Variants in MGAT5 observed in about 807,000 individuals in gnomAD.
MGAT5 encodes alpha-1,6-mannosylglycoprotein 6-beta-N-acetylglucosaminyltransferase.
MGAT5 carries 30 observed loss-of-function variants against 94.3 expected under a neutral mutation model. That is an observed-to-expected ratio of 0.32 (90% CI 0.24 to 0.43). The LOEUF (loss-of-function observed/expected upper bound fraction) is 0.43, where lower values mean the gene tolerates loss of function less well. Among genes scored for constraint, MGAT5 ranks in the 20% least tolerant of loss-of-function variants. MGAT5 has a pLI of 1.00. For missense variants in MGAT5, 691 were observed against 905.5 expected (o/e 0.76, Z 3.04); for synonymous variants, 310 against 322.9 (o/e 0.96, Z 0.43).
intron 1 of MGAT5, among the ~76,000 whole-genome samples, chr2:134,132,387 C>T (rs1490032120): frequency 6.6e-6 from 1 of 152,192 alleles, no homozygotes; most frequent in East Asian, 1.9e-4. Context: ...TCAGAGCTCA[C>T]ATATGGAAGT....
chr2:134,163,126 T>C (rs1687813437), intron 1 of MGAT5, among the ~76,000 whole-genome samples: 1 of 152,088 alleles, frequency 6.6e-6, no homozygotes, highest in South Asian at 2.1e-4. Flanking sequence ...AAGGAAAGTT[T>C]CCCAGAGGAG....
Position 134,450,929 on chromosome 2 carries a change from A to G in MGAT5, c.*2082A>G, listed in dbSNP as rs889704594. Reference sequence around the variant, plus strand: ...GTAAGGAAGAGCTTTTTCCTTGTGAATGGGCCTCTTGGCTGTACCCTAGGG... The same window carrying G: ...GTAAGGAAGAGCTTTTTCCTTGTGAGTGGGCCTCTTGGCTGTACCCTAGGG... On this transcript the variant is annotated 3_prime_UTR_variant, in exon 16 of 16. Coordinates refer to ENST00000281923, the MANE Select transcript of MGAT5 (RefSeq NM_002410.5). The G allele has an allele frequency of 2.2e-4, 34 of 152,018 alleles. No individual in the cohort carries two copies. The highest frequency in any genetic ancestry group is 8.0e-4 in the African/African-American group (33 of 41,446). 9.4% of individuals were successfully genotyped at this position (152,018 alleles called of 1,614,324 possible).
chr2:134,322,749 TTTAAG>T, intron 4 of MGAT5, among the ~76,000 whole-genome samples: 1 of 152,292 alleles, frequency 6.6e-6, no homozygotes, highest in South Asian at 2.1e-4. Flanking sequence ...TATTCTGTTA[TTTAAG>T]TTAACTCTGA....
intron 1 of MGAT5, among the ~76,000 whole-genome samples, chr2:134,255,043 G>A (rs1682848087): frequency 6.6e-6 from 1 of 152,152 alleles, no homozygotes; most frequent in African/African-American, 2.4e-5. Flanking sequence ...AGAGGATGGG[G>A]AGGAATGTTC....
Position 134,142,542 on chromosome 2 carries a change from A to G in MGAT5, c.-143+22251A>G, listed in dbSNP as rs1222473256. On this transcript the variant is annotated intron_variant, in intron 1 of 16. Coordinates refer to the MGAT5 transcript ENST00000409645. ...TGTTACTCGGATCTCCATTTTACAG[A>G]TGAGTGAACTGAGGCACAGAGGGGC... Among the ~76,000 whole-genome samples the G allele has an allele frequency of 3.3e-5, 5 of 152,218 alleles. No individual in the cohort carries two copies. The East Asian group carries it at 7.7e-4, about 23-fold the overall frequency.
At chr2:134,137,631 A>G in intron 1 of MGAT5, among the ~76,000 whole-genome samples, 1 of 152,196 alleles carries the variant, frequency 6.6e-6, no homozygotes, top group South Asian at 2.1e-4. Flanking sequence ...GATTTCTTGT[A>G]TTCAACACAA....
In MGAT5 at chr2:134,323,565, C is replaced by T. The variant is rs879897812; in HGVS notation, c.573+4826C>T. Among the ~76,000 whole-genome samples the T allele has an allele frequency of 5.9e-5, 9 of 152,094 alleles. No individual in the cohort carries two copies. The South Asian group carries it at 6.2e-4, about 11-fold the overall frequency. The stretch of plus-strand genomic sequence containing the variant: ...CAAGTCGCTTATCCCCAAAGTCCTG[C>T]ACTTTTTGTTCCTGCTGTCTCCTTT... On this transcript the variant is annotated intron_variant, in intron 4 of 15. Transcript: ENST00000281923.
chr2:134,345,604 T>C (rs1439058685), intron 8 of MGAT5, among the ~76,000 whole-genome samples: 10 of 152,188 alleles, frequency 6.6e-5, no homozygotes, highest in African/African-American at 2.2e-4. Flanking sequence ...TTTGCCTGAG[T>C]GTGGGTTTGG....
At chr2:134,432,173 T>G (rs1684919364) in intron 14 of MGAT5, among the ~76,000 whole-genome samples, 1 of 152,222 alleles carries the variant, frequency 6.6e-6, no homozygotes, top group South Asian at 2.1e-4. Context: ...ATAGCAGGAC[T>G]TTTTTGAAGG....
chr2:134,309,667 C>CT (rs1334934360), intron 2 of MGAT5, among the ~76,000 whole-genome samples: 7 of 152,114 alleles, frequency 4.6e-5, no homozygotes, highest in Non-Finnish European at 1.0e-4. Flanking sequence ...TTTTCCCTGG[C>CT]TGACCATTTC....
Position 134,441,929 on chromosome 2 carries a change from G to A in MGAT5, c.2027+14G>A. The stretch of plus-strand genomic sequence containing the variant: ...GGACATGCTGAAGTAAGTGCCCTGG[G>A]GTGGGGGTGGGGACTCAGCCCCTAG... On this transcript the variant is annotated intron_variant, in intron 15 of 15. Coordinates refer to ENST00000281923, the MANE Select transcript of MGAT5 (RefSeq NM_002410.5). 1 of 1,610,382 alleles carries A rather than the reference G, an allele frequency of 6.2e-7. No individual in the cohort carries two copies. Among genetic ancestry groups the A allele is most frequent in the Non-Finnish European group, 8.5e-7 (1 of 1,177,312 alleles).
At chr2:134,196,566 T>C (rs1283742145) in intron 1 of MGAT5, among the ~76,000 whole-genome samples, 1 of 152,234 alleles carries the variant, frequency 6.6e-6, no homozygotes, top group Non-Finnish European at 1.5e-5. Flanking sequence ...TGCTGTTAAG[T>C]GCAAAATTGT....
At chr2:134,425,165 G>GA (rs1684507518) in intron 13 of MGAT5, among the ~76,000 whole-genome samples, 2 of 152,076 alleles carry the variant, frequency 1.3e-5, no homozygotes, top group South Asian at 4.1e-4. Context: ...AGATAAGGAA[G>GA]AAAACCTTGA....
intron 10 of MGAT5, among the ~76,000 whole-genome samples, chr2:134,395,214 C>T (rs1437892775): frequency 3.3e-5 from 5 of 152,236 alleles, no homozygotes. Context: ...ACCAGCTCTG[C>T]AATTTGAAGG....
rs1683768704 is a variant in MGAT5 at position 134,413,166 on chromosome 2, C to G, written c.1677+151C>G. ...GAGGCAAATGACCTGATCACATCAC[C>G]TTGCAAGTTAGGGGCAGGATTTGAA... On this transcript the variant is annotated intron_variant, in intron 12 of 15. Coordinates refer to ENST00000281923, the MANE Select transcript of MGAT5 (RefSeq NM_002410.5). 5 of 863,166 alleles carry G rather than the reference C, an allele frequency of 5.8e-6. No individual in the cohort carries two copies. In the South Asian group the frequency reaches 9.0e-5, roughly 16 times the overall value. 53.5% of individuals were successfully genotyped at this position (863,166 alleles called of 1,614,324 possible).
At position 134,342,719 on chromosome 2, in the gene MGAT5, T is replaced by TAAAA. The variant is rs3838499; in HGVS notation, c.977+975_977+978dup. Among the ~76,000 whole-genome samples, 424 of 138,742 alleles carry TAAAA rather than the reference T, an allele frequency of 3.1e-3. 5 individuals are homozygous for TAAAA. Among genetic ancestry groups the TAAAA allele is most frequent in the South Asian group, 0.02 (83 of 4,222 alleles). 91.0% of individuals were successfully genotyped at this position (138,742 alleles called of 152,430 possible). A position where few individuals can be genotyped will look rare whatever the true frequency, so the allele number is the denominator to read the frequency against. ...TGAGTGACAGAGCAAGTCTCTGTCTTAAAAAAAAAAAAAAAAAATTGGATA... is the reference window on the plus strand; with the variant it reads ...TGAGTGACAGAGCAAGTCTCTGTCTTAAAAAAAAAAAAAAAAAAAAAATTGGATA... On this transcript the variant is annotated intron_variant, in intron 7 of 15. Coordinates refer to ENST00000281923, the MANE Select transcript of MGAT5 (RefSeq NM_002410.5).
intron 2 of MGAT5, among the ~76,000 whole-genome samples, chr2:134,309,650 A>G (rs935478): frequency 0.96 from 146,746 of 152,230 alleles, 70,861 homozygotes; most frequent in East Asian, 1. Flanking sequence ...TAGGTGTGTG[A>G]ATAACCTTTT....
At chr2:134,134,013 C>T (rs960741891) in intron 1 of MGAT5, among the ~76,000 whole-genome samples, 4 of 152,064 alleles carry the variant, frequency 2.6e-5, no homozygotes, top group Admixed American at 2.0e-4. Flanking sequence ...GTCTTAGGAC[C>T]CCAATATCAG....
intron 1 of MGAT5, among the ~76,000 whole-genome samples, chr2:134,142,904 A>G (rs1483499461): frequency 6.6e-6 from 1 of 151,784 alleles, no homozygotes; most frequent in Non-Finnish European, 1.5e-5. Context: ...ACATGTGTGA[A>G]CCACTGCACC....
Sources: allele counts gnomAD v4.1 joint callset (sites outside exome capture counted in the v4.1 genomes callset), GRCh38; gene constraint gnomAD v4.1.1; transcripts MANE v1.5; gene names NCBI Gene and HGNC (gene_info 2026-07-23, HGNC 2026-07-21).